Variants in NCK2 observed in about 807,000 individuals in gnomAD.
The protein encoded by NCK2 is cytoplasmic protein NCK2.
A neutral mutation model predicts 33.9 loss-of-function variants in NCK2; 16 were observed. The observed-to-expected ratio is 0.47, with a 90% CI of 0.32 to 0.72. The LOEUF (loss-of-function observed/expected upper bound fraction) is 0.72, where lower values mean the gene tolerates loss of function less well. Among genes scored for constraint, NCK2 ranks in the 30% least tolerant of loss-of-function variants. The probability of loss-of-function intolerance (pLI) is 0.03; values close to 1 mark genes in which losing one functional copy is unlikely to be tolerated. For synonymous variants in NCK2, 273 were observed against 239.9 expected, an observed-to-expected ratio of 1.14 and a Z score of -1.27; for missense variants, 418 against 537.3, an observed-to-expected ratio of 0.78 and a Z score of 2.19.
intron 1 of NCK2, among the ~76,000 whole-genome samples, chr2:105,753,126 A>G (rs1689504739): frequency 6.6e-6 from 1 of 152,264 alleles, no homozygotes; most frequent in South Asian, 2.1e-4. Flanking sequence ...TACATAAAAC[A>G]GAACTGTAAA....
At chr2:105,855,484 C>G (rs1190947701) in intron 3 of NCK2, 195 bp downstream of exon 3, 1 of 542,106 alleles carries the variant, frequency 1.8e-6, no homozygotes, top group Non-Finnish European at 3.2e-6. Context: ...CCTGGAGATT[C>G]TGGAGTTTGG....
intron 4 of NCK2, among the ~76,000 whole-genome samples, chr2:105,884,339 G>C (rs6754967): frequency 0.012 from 1,829 of 152,286 alleles, 39 homozygotes; most frequent in African/African-American, 0.041. Flanking sequence ...AGGCCACCAA[G>C]AGCCCTTAGG....
rs545548926 is a variant in NCK2, at chr2:105,857,531, G to A, written c.226+2242G>A. ...CTCTAGGCCTGTGCTGAGTAGGTCA[G>A]ATCCTCTTCTGTAGAGTGTCAGCCC... On this transcript the variant is annotated intron_variant, in intron 3 of 4. Coordinates refer to ENST00000233154, the MANE Select transcript of NCK2 (RefSeq NM_003581.5). Among the ~76,000 whole-genome samples, 5 of 152,330 alleles carry A rather than the reference G, an allele frequency of 3.3e-5. No homozygotes were observed. In the East Asian group the frequency reaches 9.7e-4, roughly 29 times the overall value.
At position 105,850,969 on chromosome 2, in the gene NCK2, A is replaced by G. The variant is rs563962420; in HGVS notation, c.-16-4079A>G. On this transcript the variant is annotated intron_variant, in intron 2 of 4. Transcript: ENST00000233154. ...TAAGAAACAGCGTCCAAGGGATGCA[A>G]CTTCAACTCTCGGCCAACAAGACCC... Among the ~76,000 whole-genome samples the G allele has an allele frequency of 5.3e-5, 8 of 152,278 alleles. No homozygotes were observed. The South Asian group carries it at 1.7e-3, about 32-fold the overall frequency.
intron 1 of NCK2, among the ~76,000 whole-genome samples, chr2:105,784,234 G>T (rs1005746513): frequency 5.3e-5 from 8 of 152,196 alleles, no homozygotes; most frequent in African/African-American, 1.9e-4. Flanking sequence ...CTCCCAAAAT[G>T]CTGGGACTAC....
At chr2:105,871,354 C>G (rs1199804470) in intron 3 of NCK2, among the ~76,000 whole-genome samples, 1 of 152,026 alleles carries the variant, frequency 6.6e-6, no homozygotes, top group Admixed American at 6.6e-5. Context: ...GGTTACTGAT[C>G]AAGGTGCTCC....
At chr2:105,843,302 TGTA>T (rs1047816560) in intron 2 of NCK2, among the ~76,000 whole-genome samples, 4 of 152,028 alleles carry the variant, frequency 2.6e-5, no homozygotes, top group Non-Finnish European at 4.4e-5. Context: ...ATTTTTCACT[TGTA>T]GTGCTCAAGT....
At chr2:105,798,391 CT>C (rs1291137365) in intron 1 of NCK2, among the ~76,000 whole-genome samples, 3 of 151,946 alleles carry the variant, frequency 2.0e-5, no homozygotes, top group African/African-American at 7.3e-5. Context: ...CAGTGTTCTC[CT>C]TTTTTCTTTT....
At chr2:105,840,243 G>A (rs888245460) in intron 2 of NCK2, among the ~76,000 whole-genome samples, 3 of 152,158 alleles carry the variant, frequency 2.0e-5, no homozygotes, top group African/African-American at 7.2e-5. Context: ...ATAGGAGCAG[G>A]TTCCTTCCAG....
chr2:105,875,410 C>T (rs1190393167), intron 3 of NCK2, among the ~76,000 whole-genome samples: 1 of 152,224 alleles, frequency 6.6e-6, no homozygotes, highest in Non-Finnish European at 1.5e-5. Flanking sequence ...TCCTGGGACT[C>T]ATTTCCCACA....
At chr2:105,762,880 G>T (rs1385863393) in intron 1 of NCK2, among the ~76,000 whole-genome samples, 2 of 152,176 alleles carry the variant, frequency 1.3e-5, no homozygotes, top group Non-Finnish European at 2.9e-5. Flanking sequence ...CCACATAGTT[G>T]CATAAAATGA....
At chr2:105,822,628 C>T (rs1319388997) in intron 2 of NCK2, among the ~76,000 whole-genome samples, 1 of 151,948 alleles carries the variant, frequency 6.6e-6, no homozygotes, top group Non-Finnish European at 1.5e-5. Context: ...ATAGCTGATA[C>T]ACCCTAGCAG....
chr2:105,820,764 T>C (rs1292912473), intron 2 of NCK2, among the ~76,000 whole-genome samples: 1 of 152,210 alleles, frequency 6.6e-6, no homozygotes, highest in Non-Finnish European at 1.5e-5. Flanking sequence ...ATGCTGCAGA[T>C]TCGTTTGACT....
chr2:105,762,702 C>G (rs775627837), intron 1 of NCK2, among the ~76,000 whole-genome samples: 2 of 152,212 alleles, frequency 1.3e-5, no homozygotes. Context: ...TTTCCTGTTA[C>G]ATAATAGTGA....
intron 3 of NCK2, among the ~76,000 whole-genome samples, chr2:105,868,889 T>C (rs1677865774): frequency 6.6e-6 from 1 of 152,222 alleles, no homozygotes; most frequent in South Asian, 2.1e-4. Flanking sequence ...GCTATGAGTC[T>C]GCCTCACAGC....
chr2:105,870,668 T>C (rs1677962001), intron 3 of NCK2, among the ~76,000 whole-genome samples: 1 of 152,018 alleles, frequency 6.6e-6, no homozygotes, highest in Non-Finnish European at 1.5e-5. Flanking sequence ...GGCACAAGAA[T>C]CGCTTGAACC....
At chr2:105,848,994 CAT>C (rs1290072383) in intron 2 of NCK2, among the ~76,000 whole-genome samples, 1 of 152,292 alleles carries the variant, frequency 6.6e-6, no homozygotes, top group South Asian at 2.1e-4. Flanking sequence ...GGTATGCACA[CAT>C]GTGCACATAT....
At chr2:105,825,339 C>G (rs543125311) in intron 2 of NCK2, among the ~76,000 whole-genome samples, 1 of 152,304 alleles carries the variant, frequency 6.6e-6, no homozygotes, top group South Asian at 2.1e-4. Flanking sequence ...TGAGATAATT[C>G]ATCATAAATT....
intron 2 of NCK2, among the ~76,000 whole-genome samples, chr2:105,843,708 T>TAA (rs1350953730): frequency 3.9e-5 from 6 of 152,192 alleles, no homozygotes; most frequent in Admixed American, 3.3e-4. Context: ...GCCCAGAGTA[T>TAA]AAAATAGCCG....
Sources: gnomAD v4.1 joint callset for allele counts (sites outside exome capture counted in the v4.1 genomes callset) on GRCh38, gnomAD v4.1.1 for gene constraint, MANE v1.5 for transcripts, NCBI Gene and HGNC (gene_info 2026-07-23, HGNC 2026-07-21) for gene names.